INO80: variants seen among roughly 807,000 people sequenced by gnomAD.
INO80 encodes the protein chromatin-remodeling ATPase INO80.
Under a neutral mutation model 203.4 loss-of-function variants are expected in INO80, and 20 were observed. That is an observed-to-expected ratio of 0.10 (90% CI 0.07 to 0.14). The LOEUF (loss-of-function observed/expected upper bound fraction) is 0.14, where lower values mean the gene tolerates loss of function less well. Among genes scored for constraint, INO80 ranks in the 10% least tolerant of loss-of-function variants. The pLI is 1.00. For missense variants in INO80, 1,419 were observed against 1,914.4 expected, an observed-to-expected ratio of 0.74 and a Z score of 4.83; for synonymous variants, 726 against 685.2, an observed-to-expected ratio of 1.06 and a Z score of -0.93.
chr15:40,996,036 TGAGA>T (rs35496221), intron 29 of INO80, among the ~76,000 whole-genome samples: 18 of 149,952 alleles, frequency 1.2e-4, no homozygotes, highest in East Asian at 3.9e-4. Context: ...ATCAGATTAG[TGAGA>T]GAGAGAGAGA....
chr15:40,998,060 C>T (rs528729547), intron 28 of INO80, among the ~76,000 whole-genome samples: 37 of 141,994 alleles, frequency 2.6e-4, no homozygotes, highest in African/African-American at 7.8e-4. Flanking sequence ...CTTGTTCTGT[C>T]GCCCAGGCTG....
intron 35 of INO80, among the ~76,000 whole-genome samples, chr15:40,981,849 A>C: frequency 6.6e-6 from 1 of 152,114 alleles, no homozygotes; most frequent in East Asian, 1.9e-4. Context: ...CTTGACTCCT[A>C]CTGCTCCTCT....
chr15:41,096,429 G>A (rs1415910800), intron 1 of INO80, 76 bp from the exon 2 acceptor site: 2 of 1,076,448 alleles, frequency 1.9e-6, no homozygotes, highest in Non-Finnish European at 1.3e-6. Flanking sequence ...TGTTCCCAAT[G>A]TGAAGAGAAA....
At chr15:41,006,876 A>G (rs2044048982) in intron 27 of INO80, among the ~76,000 whole-genome samples, 1 of 152,226 alleles carries the variant, frequency 6.6e-6, no homozygotes, top group Non-Finnish European at 1.5e-5. Context: ...AGAGAAGCAT[A>G]AAATAAAGTG....
rs971171366 is a variant in INO80 at position 41,001,839 on chromosome 15, G to A, written c.3497+3754C>T. On this transcript the variant is annotated intron_variant, in intron 28 of 35. Transcript: ENST00000648947. ...TGACCTTTGACCACAGGGCTTTCCA[G>A]TTGAAACTGCAATTTTTTCTTTTGA... is the stretch of plus-strand genomic sequence containing the variant. 2.3e-4 allele frequency among the ~76,000 whole-genome samples: 35 copies of A among 152,202 alleles called. 1 individual carries two copies. Among genetic ancestry groups the A allele is most frequent in the Middle Eastern group, 3.2e-3 (1 of 316 alleles).
intron 4 of INO80, among the ~76,000 whole-genome samples, chr15:41,094,840 T>C (rs1375997693): frequency 6.6e-6 from 1 of 152,032 alleles, no homozygotes; most frequent in Non-Finnish European, 1.5e-5. Flanking sequence ...AAGTGGAAAA[T>C]TCCACACCTG....
At chr15:41,050,251 C>T in intron 19 of INO80, 149 bp from the exon 20 acceptor site, 1 of 565,206 alleles carries the variant, frequency 1.8e-6, no homozygotes, top group Admixed American at 3.0e-5. Flanking sequence ...TGAATGTGGA[C>T]AATCATTCAG....
At chr15:41,058,488 T>C (rs867179290) in intron 16 of INO80, 151 bp downstream of exon 16, 5 of 742,634 alleles carry the variant, frequency 6.7e-6, no homozygotes, top group Non-Finnish European at 4.0e-6. Context: ...AAGCGAGACC[T>C]TGTCTCTATT....
intron 24 of INO80, among the ~76,000 whole-genome samples, chr15:41,029,950 C>G (rs1256620734): frequency 2.6e-5 from 4 of 152,210 alleles, no homozygotes; most frequent in Non-Finnish European, 5.9e-5. Flanking sequence ...TTCAGGGCTG[C>G]CAGCTGGGAC....
At position 40,980,150 on chromosome 15, in the gene INO80, G is replaced by T; in HGVS notation, c.*73C>A. On this transcript the variant is annotated 3_prime_UTR_variant, in exon 36 of 36. Coordinates refer to ENST00000648947, the MANE Select transcript of INO80 (RefSeq NM_017553.3). ...GGATGCAAGATGCTGCACGGGGCAA[G>T]CCATCCAAAGACCACTGGCAGGTCA... 8.1e-7 allele frequency: 1 copy of T among 1,233,842 alleles called. No individual in the cohort carries two copies. Among genetic ancestry groups the T allele is most frequent in the Non-Finnish European group, 1.2e-6 (1 of 838,070 alleles). The allele number at this position is 1,233,842 out of a possible 1,614,324, so 76.4% of individuals were successfully genotyped here. A position where few individuals can be genotyped will look rare whatever the true frequency, so the allele number is the denominator to read the frequency against.
intron 12 of INO80, among the ~76,000 whole-genome samples, chr15:41,071,236 A>G (rs1328913267): frequency 6.6e-6 from 1 of 152,168 alleles, no homozygotes; most frequent in Admixed American, 6.5e-5. Context: ...ATTTTTTAAT[A>G]AATCTACATT....
chr15:41,086,589 T>G (rs1200241463), intron 6 of INO80, among the ~76,000 whole-genome samples: 1 of 150,970 alleles, frequency 6.6e-6, no homozygotes, highest in East Asian at 1.9e-4. Flanking sequence ...AGGTAGAGGT[T>G]GCAGTGAGCT....
At chr15:41,055,184 A>G (rs570950329) in intron 18 of INO80, 63 bp downstream of exon 18, 166 of 800,678 alleles carry the variant, frequency 2.1e-4, no homozygotes, top group Non-Finnish European at 3.2e-4. Flanking sequence ...AAAAGAAAAT[A>G]TGCAATTACG....
At chr15:41,072,981 G>A (rs1370974385) in intron 11 of INO80, among the ~76,000 whole-genome samples, 2 of 151,704 alleles carry the variant, frequency 1.3e-5, no homozygotes, top group African/African-American at 4.8e-5. Context: ...GGGTTTCACC[G>A]TGTTAGCCTG....
At chr15:41,112,905 T>C (rs116222422) in intron 1 of INO80, among the ~76,000 whole-genome samples, 3,994 of 151,866 alleles carry the variant, frequency 0.026, 196 homozygotes, top group African/African-American at 0.092. Flanking sequence ...AGCGTTTATA[T>C]TTCATGTGTA....
chr15:41,071,833 C>G lies in INO80; in HGVS notation c.1605+16G>C. 6.3e-7 allele frequency: 1 copy of G among 1,577,446 alleles called. No individual in the cohort carries two copies. Among genetic ancestry groups the G allele is most frequent in the South Asian group, 1.1e-5 (1 of 90,198 alleles). On this transcript the variant is annotated intron_variant, in intron 12 of 35. Coordinates refer to ENST00000648947, the MANE Select transcript of INO80 (RefSeq NM_017553.3). ...AAAGAGATAATAGAAGAGAATGACA[C>G]GGTTCTAAAATTCACCTGTTCATAT...
At position 40,984,262 on chromosome 15, in the gene INO80, G is replaced by A; in HGVS notation, c.4012C>T (p.Leu1338Phe). The A allele has an allele frequency of 1.2e-6, 2 of 1,614,074 alleles. No homozygotes were observed. Among genetic ancestry groups the A allele is most frequent in the South Asian group, 1.1e-5 (1 of 91,058 alleles). Reference sequence around the variant, plus strand: ...AAGGAGTCATCTCCGTCAGCAGAGAGGTTGGAGTTATCAGCCGAGGGAACA... The same window carrying A: ...AAGGAGTCATCTCCGTCAGCAGAGAAGTTGGAGTTATCAGCCGAGGGAACA... ...PFVPSADNSN[L>F]SADGDDSFIS... The change falls in exon 33 of 36, where the codon CTC (leucine) becomes TTC (phenylalanine). Residue 1338 changes from leucine (L) to phenylalanine (F), a missense_variant. Coordinates refer to ENST00000648947, the MANE Select transcript of INO80 (RefSeq NM_017553.3).
At chr15:41,085,226 A>G in intron 7 of INO80, 143 bp downstream of exon 7, 2 of 711,586 alleles carry the variant, frequency 2.8e-6, no homozygotes, top group Non-Finnish European at 4.9e-6. Flanking sequence ...AAAGAGTACT[A>G]CTCAGCATTT....
rs761823444 is a variant in INO80 at position 41,020,942 on chromosome 15, T to A, written c.3232A>T (p.Ser1078Cys). The change falls in exon 26 of 36, where the codon AGC becomes TGC. Residue 1078 changes from serine (S) to cysteine (C), a missense_variant. Transcript: ENST00000648947. ...GACCAGCCATTCTGAGGTCTGATGC[T>A]CCACAGACCTCCAGCTGGCTCTGGG... Reference protein sequence around the residue: ...FFPEPAGGLWSIRPQNGWSFI... With the variant: ...FFPEPAGGLWCIRPQNGWSFI... The A allele has an allele frequency of 1.2e-6, 2 of 1,613,828 alleles. No homozygotes were observed. The highest frequency in any genetic ancestry group is 2.2e-5 in the South Asian group (2 of 91,062).
Sources: allele counts gnomAD v4.1 joint callset (sites outside exome capture counted in the v4.1 genomes callset), GRCh38; gene constraint gnomAD v4.1.1; transcripts MANE v1.5; gene names NCBI Gene and HGNC (gene_info 2026-07-23, HGNC 2026-07-21).